NPSR1: variants seen among roughly 807,000 people sequenced by gnomAD.
NPSR1 encodes neuropeptide S receptor 1.
A neutral mutation model predicts 46.9 loss-of-function variants in NPSR1; 48 were observed. The observed-to-expected ratio is 1.02, with a 90% confidence interval of 0.81 to 1.30. NPSR1 has a LOEUF of 1.30. Among genes scored for constraint, NPSR1 ranks in the 50% most tolerant of loss-of-function variants. NPSR1 has a pLI of 0.00. For missense variants in NPSR1, 450 were observed against 449.5 expected, an observed-to-expected ratio of 1.00 and a Z score of -0.01; for synonymous variants, 176 against 168.1, an observed-to-expected ratio of 1.05 and a Z score of -0.36.
chr7:34,798,328 A>G (rs1271802457), intron 3 of NPSR1, among the ~76,000 whole-genome samples: 1 of 152,186 alleles, frequency 6.6e-6, no homozygotes, highest in Non-Finnish European at 1.5e-5. Flanking sequence ...TGAGGTCAGG[A>G]GCTTGTGGCC....
chr7:34,730,622 C>G (rs1248406606), intron 2 of NPSR1, among the ~76,000 whole-genome samples: 1 of 152,192 alleles, frequency 6.6e-6, no homozygotes, highest in Non-Finnish European at 1.5e-5. Flanking sequence ...AGATCTCAGC[C>G]TACTATGAAG....
chr7:34,796,240 AAC>A (rs1250646800), intron 3 of NPSR1, among the ~76,000 whole-genome samples: 2 of 152,170 alleles, frequency 1.3e-5, no homozygotes, highest in Non-Finnish European at 2.9e-5. Flanking sequence ...GACAAAAACG[AAC>A]ATAAAAGAAA....
chr7:34,806,769 G>T (rs140450005), intron 3 of NPSR1, among the ~76,000 whole-genome samples: 138 of 152,222 alleles, frequency 9.1e-4, no homozygotes, highest in African/African-American at 2.7e-3. Flanking sequence ...GAAACCCTCT[G>T]TGTTGTTTGC....
chr7:34,798,474 G>T (rs1788295607), intron 3 of NPSR1, among the ~76,000 whole-genome samples: 1 of 152,144 alleles, frequency 6.6e-6, no homozygotes, highest in Admixed American at 6.6e-5. Flanking sequence ...GGCGAAGGTT[G>T]CAGTGATCCA....
chr7:34,850,481 A>G (rs1406611387), downstream of NPSR1, among the ~76,000 whole-genome samples: 1 of 142,216 alleles, frequency 7.0e-6, no homozygotes, highest in Non-Finnish European at 1.5e-5. Flanking sequence ...GCTCACTGCG[A>G]GCTCCACCTC....
intron 8 of NPSR1, chr7:34,871,538 T>C (rs1791452459): frequency 6.6e-6 from 1 of 151,760 alleles, no homozygotes; most frequent in Non-Finnish European, 1.5e-5. Context: ...CTTTCCAGCA[T>C]CAAGTCCAAA....
At chr7:34,790,959 GTTATA>G (rs1285121482) in intron 3 of NPSR1, among the ~76,000 whole-genome samples, 3 of 73,248 alleles carry the variant, frequency 4.1e-5, no homozygotes, top group East Asian at 5.4e-4. Flanking sequence ...TATGTTATAT[GTTATA>G]TTATATATGT....
intron 2 of NPSR1, among the ~76,000 whole-genome samples, chr7:34,753,990 T>G (rs143736603): frequency 2.0e-5 from 3 of 152,302 alleles, no homozygotes; most frequent in African/African-American, 7.2e-5. Context: ...AATCTGGATG[T>G]CAGACCAGCA....
At chr7:34,663,716 CCT>C (rs1404591507) in intron 1 of NPSR1, among the ~76,000 whole-genome samples, 2 of 152,328 alleles carry the variant, frequency 1.3e-5, no homozygotes, top group East Asian at 1.9e-4. Context: ...CAGCGACCCC[CCT>C]GTCATGGGGA....
At chr7:34,765,279 A>T (rs1786375123) in intron 2 of NPSR1, among the ~76,000 whole-genome samples, 1 of 152,244 alleles carries the variant, frequency 6.6e-6, no homozygotes, top group African/African-American at 2.4e-5. Flanking sequence ...AGAAAATGCA[A>T]CCCACTGTTA....
At position 34,806,577 on chromosome 7, in the gene NPSR1, G is replaced by C. The variant is rs903362160; in HGVS notation, c.385-5193G>C. Among the ~76,000 whole-genome samples the C allele has an allele frequency of 2.6e-5, 4 of 152,060 alleles. No homozygotes were observed. The East Asian group carries it at 7.7e-4, about 29-fold the overall frequency. ...GTGAAACTCTTCTGATATTATAATG[G>C]TGGGTACATAACATTATGCAATGGT... On this transcript the variant is annotated intron_variant, in intron 3 of 8. Coordinates refer to ENST00000360581, the MANE Select transcript of NPSR1 (RefSeq NM_207172.2).
chr7:34,685,318 T>G (rs952594645), intron 2 of NPSR1, among the ~76,000 whole-genome samples: 1 of 152,044 alleles, frequency 6.6e-6, no homozygotes, highest in African/African-American at 2.4e-5. Flanking sequence ...CCCAAAGACA[T>G]GAGTAGAGCT....
chr7:34,744,538 A>G (rs1423357664), intron 2 of NPSR1, among the ~76,000 whole-genome samples: 1 of 152,146 alleles, frequency 6.6e-6, no homozygotes, highest in African/African-American at 2.4e-5. Flanking sequence ...TGAACTGTCA[A>G]AATGAATGCA....
At chr7:34,690,980 A>T (rs1303029403) in intron 2 of NPSR1, among the ~76,000 whole-genome samples, 1 of 152,182 alleles carries the variant, frequency 6.6e-6, no homozygotes, top group Admixed American at 6.5e-5. Flanking sequence ...CCCAGAGAGA[A>T]GTGTCTAATC....
intron 2 of NPSR1, chr7:34,753,849 A>G (rs1785675607): frequency 6.6e-6 from 1 of 152,214 alleles, no homozygotes; most frequent in South Asian, 2.1e-4. Flanking sequence ...AAAAATAAAA[A>G]TAAGTTAAAC....
chr7:34,699,472 T>A (rs2128694845), intron 2 of NPSR1, among the ~76,000 whole-genome samples: 1 of 152,356 alleles, frequency 6.6e-6, no homozygotes, highest in African/African-American at 2.4e-5. Flanking sequence ...CTAGGGACTG[T>A]CATAACAAAA....
chr7:34,663,276 T>C (rs1425416355), intron 1 of NPSR1, among the ~76,000 whole-genome samples: 3 of 152,058 alleles, frequency 2.0e-5, no homozygotes, highest in Non-Finnish European at 4.4e-5. Flanking sequence ...TCTGGGGTAA[T>C]GTCCCTTGGC....
intron 3 of NPSR1, among the ~76,000 whole-genome samples, chr7:34,793,833 GATGA>G (rs1018832551): frequency 6.6e-6 from 1 of 152,060 alleles, no homozygotes; most frequent in African/African-American, 2.4e-5. Flanking sequence ...TCCATCAATG[GATGA>G]ATGAATTTAA....
chr7:34,796,012 G>C (rs774488464), intron 3 of NPSR1, among the ~76,000 whole-genome samples: 4 of 152,084 alleles, frequency 2.6e-5, no homozygotes, highest in Non-Finnish European at 5.9e-5. Context: ...TTACTATAAA[G>C]CTATAGTAAT....
Sources: gnomAD v4.1 joint callset for allele counts (sites outside exome capture counted in the v4.1 genomes callset) on GRCh38, gnomAD v4.1.1 for gene constraint, MANE v1.5 for transcripts, NCBI Gene and HGNC (gene_info 2026-07-23, HGNC 2026-07-21) for gene names.